AKT3: variants seen among roughly 807,000 people sequenced by gnomAD.
AKT3 encodes the protein AKT serine/threonine kinase 3, also known as RAC-gamma serine/threonine-protein kinase.
A neutral mutation model predicts 65.3 loss-of-function variants in AKT3; 15 were observed. The observed-to-expected ratio is 0.23, with a 90% CI of 0.15 to 0.35. AKT3 has a LOEUF of 0.35. Among genes scored for constraint, AKT3 ranks in the 10% least tolerant of loss-of-function variants. The pLI, the probability that AKT3 is intolerant of heterozygous loss-of-function variation, is 1.00. For missense variants in AKT3, 243 were observed against 576.5 expected, an observed-to-expected ratio of 0.42 and a Z score of 5.92; for synonymous variants, 206 against 183.8, an observed-to-expected ratio of 1.12 and a Z score of -0.98.
At chr1:243,779,520 A>G (rs1417408103) in intron 2 of AKT3, among the ~76,000 whole-genome samples, 4 of 152,134 alleles carry the variant, frequency 2.6e-5, no homozygotes, top group African/African-American at 9.6e-5. Context: ...GACAAGCAAG[A>G]GTGGTTTCTC....
chr1:243,631,913 C>T (rs1469030205), intron 6 of AKT3, among the ~76,000 whole-genome samples: 1 of 152,192 alleles, frequency 6.6e-6, no homozygotes, highest in Non-Finnish European at 1.5e-5. Context: ...TTAGTCCTAT[C>T]TTCAGGCTCC....
intron 8 of AKT3, among the ~76,000 whole-genome samples, chr1:243,594,473 C>T (rs879779418): frequency 6.6e-6 from 1 of 152,140 alleles, no homozygotes; most frequent in Non-Finnish European, 1.5e-5. Flanking sequence ...AAAATATACT[C>T]CCAAAGCAAC....
At position 243,500,788 on chromosome 1, in the gene AKT3, T is replaced by C. The variant is rs1669214770; in HGVS notation, c.*4461A>G. On this transcript the variant is annotated 3_prime_UTR_variant, in exon 14 of 14. Transcript: ENST00000673466. Reference sequence around the variant, plus strand: ...AGGCTTTGGAGGCGGTGGCATGATCTACACACAGAGACCATTTGAATCTCT... The same window carrying C: ...AGGCTTTGGAGGCGGTGGCATGATCCACACACAGAGACCATTTGAATCTCT... 2 of 229,100 alleles carry C rather than the reference T, an allele frequency of 8.7e-6. No individual in the cohort carries two copies. Among genetic ancestry groups the C allele is most frequent in the Non-Finnish European group, 1.7e-5 (2 of 115,514 alleles). The allele number at this position is 229,100 out of a possible 1,614,324, so 14.2% of individuals were successfully genotyped here.
At chr1:243,838,853 C>T (rs1695059610) in intron 2 of AKT3, among the ~76,000 whole-genome samples, 1 of 152,114 alleles carries the variant, frequency 6.6e-6, no homozygotes. Context: ...AAAGCCAAAA[C>T]TGGTTACACA....
At chr1:243,669,922 T>C (rs1202463274) in intron 3 of AKT3, among the ~76,000 whole-genome samples, 1 of 152,202 alleles carries the variant, frequency 6.6e-6, no homozygotes, top group Non-Finnish European at 1.5e-5. Flanking sequence ...TTACTAAACT[T>C]GCTAAGTATT....
chr1:243,524,873 G>C (rs1670945189), intron 12 of AKT3, among the ~76,000 whole-genome samples: 1 of 152,140 alleles, frequency 6.6e-6, no homozygotes, highest in South Asian at 2.1e-4. Flanking sequence ...CTAAAGAGGA[G>C]GTGGGCACTA....
At chr1:243,744,534 T>G (rs537253357) in intron 2 of AKT3, among the ~76,000 whole-genome samples, 1 of 151,838 alleles carries the variant, frequency 6.6e-6, no homozygotes, top group South Asian at 2.1e-4. Flanking sequence ...GGTCAGGAGA[T>G]CGAGACCATC....
chr1:243,751,997 T>C (rs758618391), intron 2 of AKT3, among the ~76,000 whole-genome samples: 7 of 152,220 alleles, frequency 4.6e-5, no homozygotes, highest in Non-Finnish European at 1.0e-4. Flanking sequence ...CACTACAGAA[T>C]TGGTACTCTG....
chr1:243,637,579 A>C lies in AKT3; in HGVS notation c.561+32T>G, dbSNP rs764088083. On this transcript the variant is annotated intron_variant, in intron 6 of 13. Transcript: ENST00000673466. ...CAAACACATGCACACTGCAAACAAA[A>C]ATTTAGTAATCAACTTTAATAAATC... 3.2e-6 allele frequency: 5 copies of C among 1,561,996 alleles called. No individual in the cohort carries two copies. The South Asian group carries it at 6.0e-5, about 19-fold the overall frequency.
chr1:243,573,142 T>G (rs1172782068), intron 8 of AKT3, 94 bp from the exon 9 acceptor site: 1 of 1,421,108 alleles, frequency 7.0e-7, no homozygotes, highest in Non-Finnish European at 9.6e-7. Context: ...CACCATATTG[T>G]GATGATAGAT....
At chr1:243,743,228 T>G (rs1688270553) in intron 2 of AKT3, among the ~76,000 whole-genome samples, 1 of 152,194 alleles carries the variant, frequency 6.6e-6, no homozygotes, top group Non-Finnish European at 1.5e-5. Context: ...AAACCTAAAA[T>G]TAGGCAGATC....
At chr1:243,723,605 T>C (rs1037042962) in intron 2 of AKT3, among the ~76,000 whole-genome samples, 3 of 152,132 alleles carry the variant, frequency 2.0e-5, no homozygotes, top group Non-Finnish European at 4.4e-5. Flanking sequence ...CCAACCCCTA[T>C]GGAAAATGGC....
At chr1:243,531,483 T>C (rs1671524633) in intron 12 of AKT3, among the ~76,000 whole-genome samples, 1 of 152,198 alleles carries the variant, frequency 6.6e-6, no homozygotes, top group African/African-American at 2.4e-5. Flanking sequence ...TTTTTATAGT[T>C]TTCTCCCATA....
At chr1:243,655,287 TTTC>T (rs1195690415) in intron 4 of AKT3, among the ~76,000 whole-genome samples, 2 of 144,134 alleles carry the variant, frequency 1.4e-5, no homozygotes, top group African/African-American at 2.4e-5. Flanking sequence ...TATGGGGCTC[TTTC>T]TTTTTAATTT....
chr1:243,675,742 C>T (rs1380824621), intron 3 of AKT3, among the ~76,000 whole-genome samples: 1 of 152,112 alleles, frequency 6.6e-6, no homozygotes, highest in African/African-American at 2.4e-5. Flanking sequence ...ATGTTCTTGG[C>T]TCCCTATCCT....
intron 6 of AKT3, among the ~76,000 whole-genome samples, chr1:243,631,725 A>G (rs929679506): frequency 2.6e-5 from 4 of 152,182 alleles, no homozygotes; most frequent in Admixed American, 2.6e-4. Flanking sequence ...TCCTTTCACA[A>G]CCTGCCACTG....
chr1:243,824,427 A>C (rs746698015), intron 2 of AKT3, among the ~76,000 whole-genome samples: 3 of 152,204 alleles, frequency 2.0e-5, no homozygotes, highest in Non-Finnish European at 4.4e-5. Flanking sequence ...AATTAAACTA[A>C]AGAGCTTCTG....
At chr1:243,639,189 C>T (rs527387183) in intron 5 of AKT3, among the ~76,000 whole-genome samples, 4 of 152,224 alleles carry the variant, frequency 2.6e-5, no homozygotes, top group Admixed American at 1.3e-4. Flanking sequence ...TTGAAAGAAA[C>T]AGATAACTTG....
At chr1:243,658,691 C>T (rs1038774855) in intron 4 of AKT3, among the ~76,000 whole-genome samples, 2 of 151,820 alleles carry the variant, frequency 1.3e-5, no homozygotes, top group Middle Eastern at 3.4e-3. Flanking sequence ...TTGCACTATT[C>T]GCAATAGCCA....
Sources: gnomAD v4.1 joint callset for allele counts (sites outside exome capture counted in the v4.1 genomes callset) on GRCh38, gnomAD v4.1.1 for gene constraint, MANE v1.5 for transcripts, NCBI Gene and HGNC (gene_info 2026-07-23, HGNC 2026-07-21) for gene names.